RNF180: variants seen among roughly 807,000 people sequenced by gnomAD.
RNF180 encodes the protein ring finger protein 180, also known as E3 ubiquitin-protein ligase RNF180.
A neutral mutation model predicts 59.2 loss-of-function variants in RNF180; 38 were observed. The ratio of observed to expected loss-of-function variants is 0.64; its 90% confidence interval spans 0.50 to 0.84. The LOEUF is 0.84. Among genes scored for constraint, RNF180 ranks in the 40% least tolerant of loss-of-function variants. The probability of loss-of-function intolerance (pLI) is 0.00; values close to 1 mark genes in which losing one functional copy is unlikely to be tolerated. For synonymous variants in RNF180, 262 were observed against 240.3 expected, an observed-to-expected ratio of 1.09 and a Z score of -0.84; for missense variants, 705 against 700.9, an observed-to-expected ratio of 1.01 and a Z score of -0.07.
chr5:64,192,014 G>A (rs1312345131), intron 1 of RNF180, among the ~76,000 whole-genome samples: 1 of 151,962 alleles, frequency 6.6e-6, no homozygotes, highest in African/African-American at 2.4e-5. Context: ...GCATGTGGGT[G>A]TCCAGTTTTC....
intron 5 of RNF180, among the ~76,000 whole-genome samples, chr5:64,252,004 A>G (rs1373805482): frequency 7.9e-5 from 12 of 152,182 alleles, no homozygotes; most frequent in Admixed American, 5.9e-4. Flanking sequence ...CATGCTATAC[A>G]GAGTGTTCTA....
chr5:64,181,319 G>C (rs1392949247), intron 1 of RNF180, among the ~76,000 whole-genome samples: 2 of 152,182 alleles, frequency 1.3e-5, no homozygotes, highest in African/African-American at 4.8e-5. Context: ...TTGACACTCA[G>C]TATTAACCAT....
intron 3 of RNF180, among the ~76,000 whole-genome samples, chr5:64,213,205 A>G (rs918240767): frequency 6.6e-6 from 1 of 152,192 alleles, no homozygotes; most frequent in Non-Finnish European, 1.5e-5. Flanking sequence ...TTACTTGCAA[A>G]TTAAGCTCTG....
chr5:64,230,668 G>T (rs1228661641), intron 5 of RNF180, among the ~76,000 whole-genome samples: 1 of 152,178 alleles, frequency 6.6e-6, no homozygotes, highest in Non-Finnish European at 1.5e-5. Context: ...AGGTTCCAGA[G>T]ATTAGGATGT....
chr5:64,244,164 A>G (rs1247309143), intron 5 of RNF180, among the ~76,000 whole-genome samples: 1 of 152,196 alleles, frequency 6.6e-6, no homozygotes, highest in Non-Finnish European at 1.5e-5. Flanking sequence ...GAAAATTCCA[A>G]AAACCAGAAT....
chr5:64,342,175 G>T (rs574645799), intron 7 of RNF180, among the ~76,000 whole-genome samples: 2 of 152,212 alleles, frequency 1.3e-5, no homozygotes, highest in African/African-American at 4.8e-5. Context: ...ATCACTCTCA[G>T]TGGCAATAAC....
chr5:64,284,159 C>A (rs1309483160), intron 5 of RNF180, among the ~76,000 whole-genome samples: 1 of 152,134 alleles, frequency 6.6e-6, no homozygotes, highest in Admixed American at 6.5e-5. Context: ...AATTTCTTTT[C>A]TTTAGGCATG....
chr5:64,321,597 G>A (rs6883299), intron 5 of RNF180, among the ~76,000 whole-genome samples: 3,302 of 151,876 alleles, frequency 0.022, 90 homozygotes, highest in African/African-American at 0.056. Flanking sequence ...ACTGCCCAAA[G>A]TAATTTATAG....
intron 5 of RNF180, among the ~76,000 whole-genome samples, chr5:64,246,311 T>G (rs1477968791): frequency 6.6e-6 from 1 of 152,000 alleles, no homozygotes; most frequent in Non-Finnish European, 1.5e-5. Flanking sequence ...CTTCAAGAAA[T>G]CAAGGAATCC....
At chr5:64,178,337 C>T (rs1354251970) in intron 1 of RNF180, among the ~76,000 whole-genome samples, 5 of 152,112 alleles carry the variant, frequency 3.3e-5, no homozygotes, top group Non-Finnish European at 7.4e-5. Flanking sequence ...CCACCTGATG[C>T]TTTCCATTGG....
chr5:64,243,219 C>T (rs1165056312), intron 5 of RNF180, among the ~76,000 whole-genome samples: 2 of 152,194 alleles, frequency 1.3e-5, no homozygotes, highest in East Asian at 1.9e-4. Flanking sequence ...ACAGTGGCAC[C>T]TGGAATGCCA....
chr5:64,357,009 A>AT (rs1165420345), intron 7 of RNF180, among the ~76,000 whole-genome samples: 1 of 151,840 alleles, frequency 6.6e-6, no homozygotes, highest in Non-Finnish European at 1.5e-5. Flanking sequence ...AATAAAAACT[A>AT]TTTTTTTAAA....
intron 5 of RNF180, among the ~76,000 whole-genome samples, chr5:64,255,237 G>T (rs1743863117): frequency 6.6e-6 from 1 of 151,926 alleles, no homozygotes; most frequent in Non-Finnish European, 1.5e-5. Context: ...AAGTTCTAGG[G>T]TACATGTGCA....
intron 7 of RNF180, among the ~76,000 whole-genome samples, chr5:64,351,651 A>G (rs1470909797): frequency 6.6e-6 from 1 of 151,598 alleles, no homozygotes; most frequent in African/African-American, 2.4e-5. Flanking sequence ...TTCTGCATCT[A>G]TTGAGATTAT....
At chr5:64,193,534 T>A (rs1284890461) in intron 1 of RNF180, among the ~76,000 whole-genome samples, 1 of 152,222 alleles carries the variant, frequency 6.6e-6, no homozygotes, top group Non-Finnish European at 1.5e-5. Context: ...TGAGAGGTTC[T>A]CAGCATTACA....
chr5:64,183,861 A>G (rs1047152429), intron 1 of RNF180, among the ~76,000 whole-genome samples: 4 of 152,204 alleles, frequency 2.6e-5, no homozygotes, highest in Admixed American at 6.5e-5. Context: ...GATTTTCTAA[A>G]ACATCAGTCT....
chr5:64,296,928 T>C (rs1225300571), intron 5 of RNF180, among the ~76,000 whole-genome samples: 1 of 152,158 alleles, frequency 6.6e-6, no homozygotes, highest in African/African-American at 2.4e-5. Flanking sequence ...TTCATTCATC[T>C]GGTTTTTTGG....
chr5:64,258,657 T>C (rs1020103539), intron 5 of RNF180, among the ~76,000 whole-genome samples: 2 of 152,158 alleles, frequency 1.3e-5, no homozygotes, highest in Non-Finnish European at 2.9e-5. Context: ...GTGTGAGATA[T>C]ATAGGTAGAT....
intron 5 of RNF180, among the ~76,000 whole-genome samples, chr5:64,232,731 C>A (rs1198275614): frequency 6.6e-6 from 1 of 152,114 alleles, no homozygotes; most frequent in Non-Finnish European, 1.5e-5. Context: ...ATAATAACAG[C>A]AGTAGTAACA....
Sources: gnomAD v4.1 joint callset for allele counts (sites outside exome capture counted in the v4.1 genomes callset) on GRCh38, gnomAD v4.1.1 for gene constraint, MANE v1.5 for transcripts, NCBI Gene and HGNC (gene_info 2026-07-23, HGNC 2026-07-21) for gene names.